The following KCNG1 variants were observed in gnomAD, a reference collection of about 807,000 sequenced individuals.
KCNG1 encodes voltage-gated potassium channel regulatory subunit KCNG1.
A neutral mutation model predicts 32.4 loss-of-function variants in KCNG1; 17 were observed. The observed-to-expected ratio is 0.52, with a 90% CI of 0.36 to 0.79. The LOEUF (loss-of-function observed/expected upper bound fraction) is 0.79, where lower values mean the gene tolerates loss of function less well. KCNG1 is among the 30% of genes least tolerant of loss of function. The pLI is 0.00. For synonymous variants in KCNG1, 358 were observed against 339.9 expected (o/e 1.05, Z -0.59); for missense variants, 441 against 735.2 (o/e 0.60, Z 4.63).
chr20:51,011,609 G>T (rs1156556116), intron 1 of KCNG1, among the ~76,000 whole-genome samples: 2 of 152,192 alleles, frequency 1.3e-5, no homozygotes, highest in African/African-American at 2.4e-5. Context: ...TAATGGTTAT[G>T]AACGCAGACT....
intron 2 of KCNG1, among the ~76,000 whole-genome samples, chr20:51,008,353 T>C (rs1441026081): frequency 3.9e-5 from 6 of 152,088 alleles, no homozygotes; most frequent in African/African-American, 1.4e-4. Context: ...GTTTTAGAGA[T>C]GGAGTCTCAC....
chr20:51,014,971 G>A (rs1394986949), intron 1 of KCNG1, among the ~76,000 whole-genome samples: 4 of 152,184 alleles, frequency 2.6e-5, no homozygotes, highest in African/African-American at 9.7e-5. Context: ...ACAGAGCGAG[G>A]GGAAGCTGGG....
chr20:51,021,662 G>T (rs1988489638), intron 1 of KCNG1, among the ~76,000 whole-genome samples: 1 of 152,166 alleles, frequency 6.6e-6, no homozygotes, highest in Non-Finnish European at 1.5e-5. Flanking sequence ...GGGGGTGGGG[G>T]CGTCTGTGTC....
chr20:51,009,601 G>A lies in KCNG1; in HGVS notation c.738C>T (p.Val246=). 2 of 1,609,970 alleles carry A rather than the reference G, an allele frequency of 1.2e-6. No homozygotes were observed. The highest frequency in any genetic ancestry group is 8.5e-7 in the Non-Finnish European group (1 of 1,179,032). ...FVTVTAVNLS[V]STLPSLREEE... ...CCTCCCTCAGGCTGGGCAAGGTGCT[G>A]ACGGAGAGGTTGACGGCGGTGACGG... The change falls in exon 2 of 3, where the codon GTC becomes GTT. Residue 246 remains valine (V), a synonymous_variant. Coordinates refer to ENST00000371571, the MANE Select transcript of KCNG1 (RefSeq NM_002237.4).
At chr20:51,010,661 G>C (rs527523193) in intron 1 of KCNG1, among the ~76,000 whole-genome samples, 14 of 152,162 alleles carry the variant, frequency 9.2e-5, no homozygotes, top group Non-Finnish European at 1.8e-4. Flanking sequence ...TTGGGAGGCC[G>C]AGGCGGGTGG....
chr20:51,009,429 C>T lies in KCNG1; in HGVS notation c.774+136G>A, dbSNP rs1470397348. 3.7e-6 allele frequency: 4 copies of T among 1,076,994 alleles called. No homozygotes were observed. In the African/African-American group the frequency reaches 4.8e-5, roughly 13 times the overall value. The allele number at this position is 1,076,994 out of a possible 1,614,324, so 66.7% of individuals were successfully genotyped here. A position where few individuals can be genotyped will look rare whatever the true frequency, so the allele number is the denominator to read the frequency against. ...CAGGGAGGCAGACCATGCACACAAA[C>T]ATTCCTGATGTCAGGAGGGACCAGG... On this transcript the variant is annotated intron_variant, in intron 2 of 2. Coordinates refer to ENST00000371571, the MANE Select transcript of KCNG1 (RefSeq NM_002237.4).
intron 2 of KCNG1, among the ~76,000 whole-genome samples, chr20:51,008,642 G>T (rs1455048556): frequency 1.8e-5 from 1 of 56,084 alleles, no homozygotes; most frequent in Non-Finnish European, 5.4e-5. Flanking sequence ...CTGATCTTAT[G>T]ATTTTTTTTA....
In KCNG1 at chr20:51,003,896, A is replaced by C; in HGVS notation, c.*143T>G. The C allele has an allele frequency of 3.7e-6, 3 of 816,558 alleles. No homozygotes were observed. The highest frequency in any genetic ancestry group is 3.8e-6 in the Non-Finnish European group (2 of 528,478). 50.6% of individuals were successfully genotyped at this position (816,558 alleles called of 1,614,324 possible). Reference sequence around the variant, plus strand: ...GTGTTCTTCCCGGGGTGTGGGAGTGAGGGTGTCCTTCCCCGGGTGCGTGGG... The same window carrying C: ...GTGTTCTTCCCGGGGTGTGGGAGTGCGGGTGTCCTTCCCCGGGTGCGTGGG... On this transcript the variant is annotated 3_prime_UTR_variant, in exon 3 of 3. Transcript: ENST00000371571.
At position 51,005,853 on chromosome 20, in the gene KCNG1, C is replaced by T. The variant is rs922825692; in HGVS notation, c.775-1047G>A. 1.3e-5 allele frequency: 2 copies of T among 152,230 alleles called. No individual in the cohort carries two copies. The highest frequency in any genetic ancestry group is 2.9e-5 in the Non-Finnish European group (2 of 68,062). The allele number at this position is 152,230 out of a possible 1,614,324, so 9.4% of individuals were successfully genotyped here. On this transcript the variant is annotated intron_variant, in intron 2 of 2. Transcript: ENST00000371571. The surrounding 1 kb of genome is among the most constrained non-coding windows in gnomAD (Gnocchi z 4.0). Reference sequence around the variant, plus strand: ...GCACAGCTGAGTTCTACAAGTCCCACTTGAACAATTCTGTCTCTAGGAATA... The same window carrying T: ...GCACAGCTGAGTTCTACAAGTCCCATTTGAACAATTCTGTCTCTAGGAATA...
intron 1 of KCNG1, among the ~76,000 whole-genome samples, chr20:51,010,821 G>A (rs907381965): frequency 1.3e-5 from 2 of 152,060 alleles, no homozygotes; most frequent in African/African-American, 4.8e-5. Context: ...CTTGAACATG[G>A]GAGGCGAAGG....
At chr20:51,008,714 G>C (rs1242111583) in intron 2 of KCNG1, among the ~76,000 whole-genome samples, 1 of 152,114 alleles carries the variant, frequency 6.6e-6, no homozygotes, top group Non-Finnish European at 1.5e-5. Context: ...TGGCAACCAA[G>C]TCAAATTTTT....
chr20:51,019,679 C>T (rs758370622), intron 1 of KCNG1, among the ~76,000 whole-genome samples: 1 of 152,058 alleles, frequency 6.6e-6, no homozygotes, highest in Non-Finnish European at 1.5e-5. Flanking sequence ...TACCATGCCT[C>T]TCAACCTGTG....
chr20:51,006,283 A>G (rs1284225964), intron 2 of KCNG1: 2 of 152,216 alleles, frequency 1.3e-5, no homozygotes, highest in African/African-American at 2.4e-5. Context: ...CAAAGGTATT[A>G]TTATCTTTTC....
chr20:51,003,893 G>A lies in KCNG1; in HGVS notation c.*146C>T. The A allele has an allele frequency of 2.5e-6, 2 of 802,158 alleles. No homozygotes were observed. The highest frequency in any genetic ancestry group is 2.7e-5 in the Admixed American group (1 of 37,112). The allele number at this position is 802,158 out of a possible 1,614,324, so 49.7% of individuals were successfully genotyped here. ...CTAGTGTTCTTCCCGGGGTGTGGGA[G>A]TGAGGGTGTCCTTCCCCGGGTGCGT... On this transcript the variant is annotated 3_prime_UTR_variant, in exon 3 of 3. Transcript: ENST00000371571.
At chr20:51,018,812 C>T (rs1988370601) in intron 1 of KCNG1, among the ~76,000 whole-genome samples, 1 of 152,214 alleles carries the variant, frequency 6.6e-6, no homozygotes, top group African/African-American at 2.4e-5. Flanking sequence ...CTGTGGGACT[C>T]CAGGCCGAAC....
chr20:51,010,538 T>G (rs1200297909), intron 1 of KCNG1, among the ~76,000 whole-genome samples, 174 bp from the exon 2 acceptor site: 1 of 152,212 alleles, frequency 6.6e-6, no homozygotes, highest in African/African-American at 2.4e-5. Flanking sequence ...CTTTGAGATG[T>G]CATTTGGTTC....
At chr20:51,014,707 A>G (rs1988214905) in intron 1 of KCNG1, among the ~76,000 whole-genome samples, 3 of 152,186 alleles carry the variant, frequency 2.0e-5, no homozygotes. Context: ...TTTCCAAATG[A>G]GCACACAAGT....
At position 51,005,250 on chromosome 20, in the gene KCNG1, A is replaced by C. The variant is rs556725704; in HGVS notation, c.775-444T>G. 1.9e-5 allele frequency: 3 copies of C among 154,636 alleles called. No individual in the cohort carries two copies. Among genetic ancestry groups the C allele is most frequent in the African/African-American group, 7.2e-5 (3 of 41,564 alleles). 9.6% of individuals were successfully genotyped at this position (154,636 alleles called of 1,614,324 possible). A position where few individuals can be genotyped will look rare whatever the true frequency, so the allele number is the denominator to read the frequency against. On this transcript the variant is annotated intron_variant, in intron 2 of 2. Transcript: ENST00000371571. This position sits in a 1 kb window ranked among gnomAD's most constrained non-coding sequence, Gnocchi z 4.0. ...CCCCCAGGAAGTCTCTTCATTTAAA[A>C]CAGTGCGAGAATCAAACCCACTGCC...
chr20:51,011,732 A>G (rs980164569), intron 1 of KCNG1, among the ~76,000 whole-genome samples: 3 of 152,198 alleles, frequency 2.0e-5, no homozygotes, highest in African/African-American at 7.2e-5. Flanking sequence ...GCCTAAGTGA[A>G]TTATGTACAT....
Sources: gnomAD v4.1 joint callset for allele counts (sites outside exome capture counted in the v4.1 genomes callset) on GRCh38, gnomAD v4.1.1 for gene constraint, Gnocchi (gnomAD v3.1) non-coding constraint, MANE v1.5 for transcripts, NCBI Gene and HGNC (gene_info 2026-07-23, HGNC 2026-07-21) for gene names.